Variants in TEX11 observed in about 807,000 individuals in gnomAD.
TEX11 encodes testis expressed 11.
TEX11 carries 7 observed loss-of-function variants against 84.4 expected under a neutral mutation model. The ratio of observed to expected loss-of-function variants is 0.08; its 90% CI spans 0.05 to 0.16. TEX11 has a LOEUF of 0.16. Ranked by LOEUF, TEX11 falls within the 10% of genes least tolerant of loss-of-function variation. TEX11 has a pLI of 1.00. For missense variants in TEX11, 551 were observed against 660.5 expected (o/e 0.83, Z 1.82); for synonymous variants, 264 against 222.8 (o/e 1.18, Z -1.64).
intron 25 of TEX11, among the ~76,000 whole-genome samples, chrX:70,576,142 T>C (rs1373722768): frequency 8.9e-6 from 1 of 112,063 alleles, no homozygotes; most frequent in Non-Finnish European, 1.9e-5. Context: ...TCAGGGTTAA[T>C]CCTTTTGTAA....
At chrX:70,781,091 C>T (rs60500370) in intron 9 of TEX11, among the ~76,000 whole-genome samples, 1,898 of 111,364 alleles carry the variant, frequency 0.017, 38 homozygotes, top group African/African-American at 0.059. Flanking sequence ...AGATGCCCCT[C>T]TGGGATGAAG....
chrX:70,588,949 A>G (rs1195368336), intron 25 of TEX11, among the ~76,000 whole-genome samples: 2 of 108,706 alleles, frequency 1.8e-5, no homozygotes, highest in Non-Finnish European at 3.8e-5. Flanking sequence ...AAAAAAAAAG[A>G]AAGAAATATC....
At chrX:70,823,617 A>G (rs964542309) in intron 8 of TEX11, among the ~76,000 whole-genome samples, 9 of 111,651 alleles carry the variant, frequency 8.1e-5, no homozygotes, top group Admixed American at 2.9e-4. Flanking sequence ...CAAATAGATC[A>G]CCAGGCTAGT....
At chrX:70,907,411 T>C (rs2091839414) in intron 2 of TEX11, among the ~76,000 whole-genome samples, 1 of 110,831 alleles carries the variant, frequency 9.0e-6, no homozygotes, top group Non-Finnish European at 1.9e-5. Context: ...ATTTAGATTT[T>C]TTTTTTTTTT....
chrX:70,874,471 G>A (rs140485844), intron 3 of TEX11, among the ~76,000 whole-genome samples: 1,928 of 94,320 alleles, frequency 0.02, 42 homozygotes, highest in African/African-American at 0.072. Flanking sequence ...GCGTGATCTC[G>A]GCTCACTGCA....
intron 9 of TEX11, among the ~76,000 whole-genome samples, chrX:70,776,515 A>G (rs1234112670): frequency 9.2e-6 from 1 of 108,249 alleles, no homozygotes; most frequent in Non-Finnish European, 1.9e-5. Flanking sequence ...GTGAGCCAAG[A>G]CTGCATCACT....
intron 11 of TEX11, among the ~76,000 whole-genome samples, chrX:70,727,794 T>C (rs1171912761): frequency 9.1e-6 from 1 of 110,289 alleles, no homozygotes; most frequent in Non-Finnish European, 1.9e-5. Flanking sequence ...AATGAAGATA[T>C]AGAAAGAAGG....
intron 16 of TEX11, among the ~76,000 whole-genome samples, chrX:70,659,580 T>C (rs1415153217): frequency 2.7e-5 from 3 of 111,678 alleles, no homozygotes; most frequent in African/African-American, 3.3e-5. Context: ...TGTGGAGAAA[T>C]TGGAACACTT....
At chrX:70,726,570 G>A (rs6624494) in intron 11 of TEX11, among the ~76,000 whole-genome samples, 43,264 of 108,606 alleles carry the variant, frequency 0.4, 7,171 homozygotes, top group East Asian at 0.58. Context: ...TCACTCTATC[G>A]CCCAGGCTGG....
chrX:70,813,400 C>A (rs7879930), intron 8 of TEX11, among the ~76,000 whole-genome samples: 8,351 of 111,122 alleles, frequency 0.075, 486 homozygotes, highest in Admixed American at 0.27. Flanking sequence ...ATTCAACAGC[C>A]CTTCATGCTA....
intron 9 of TEX11, among the ~76,000 whole-genome samples, chrX:70,777,129 C>T (rs2091007164): frequency 9.2e-6 from 1 of 108,109 alleles, no homozygotes; most frequent in Non-Finnish European, 1.9e-5. Context: ...CTACCTACCT[C>T]AGTCTCCCAA....
At chrX:70,853,718 T>G (rs960748494) in intron 5 of TEX11, among the ~76,000 whole-genome samples, 1 of 112,472 alleles carries the variant, frequency 8.9e-6, no homozygotes, top group South Asian at 3.7e-4. Flanking sequence ...CAATAAAATT[T>G]GGATTAATCC....
chrX:70,718,405 G>T (rs752613744), intron 13 of TEX11, among the ~76,000 whole-genome samples: 21 of 112,055 alleles, frequency 1.9e-4, no homozygotes, highest in Non-Finnish European at 3.2e-4. Flanking sequence ...AGAAAAGTAA[G>T]CCGGATTATT....
chrX:70,646,706 A>G (rs964545583), intron 17 of TEX11, among the ~76,000 whole-genome samples: 3 of 111,880 alleles, frequency 2.7e-5, no homozygotes, highest in African/African-American at 9.7e-5. Context: ...TAGAATGGCT[A>G]TTATAAAAAA....
At chrX:70,815,644 A>G (rs2091282300) in intron 8 of TEX11, among the ~76,000 whole-genome samples, 1 of 111,654 alleles carries the variant, frequency 9.0e-6, no homozygotes, top group Non-Finnish European at 1.9e-5. Context: ...AACATAGTAT[A>G]TATAGGATTT....
At chrX:70,890,579 C>T (rs939495056) in intron 2 of TEX11, among the ~76,000 whole-genome samples, 8 of 112,742 alleles carry the variant, frequency 7.1e-5, no homozygotes, top group South Asian at 3.7e-4. Flanking sequence ...GCAGGTCCCA[C>T]GACAACAAAG....
chrX:70,563,215 G>A (rs376173767), intron 25 of TEX11, among the ~76,000 whole-genome samples: 2 of 111,656 alleles, frequency 1.8e-5, no homozygotes, highest in East Asian at 5.6e-4. Flanking sequence ...GATTATGGCT[G>A]AGAAACTAAA....
chrX:70,547,188 A>G (rs927288118), intron 28 of TEX11, among the ~76,000 whole-genome samples: 2 of 110,760 alleles, frequency 1.8e-5, no homozygotes, highest in Admixed American at 1.9e-4. Flanking sequence ...AAATCTACAG[A>G]GACAGAAAGC....
chrX:70,529,784 A>T (rs757190891), intron 29 of TEX11, 51 bp downstream of exon 29: 4 of 1,139,154 alleles, frequency 3.5e-6, no homozygotes, highest in Non-Finnish European at 4.7e-6. Context: ...CCCAGCCATA[A>T]CCTCTTGCCC....
Sources: gnomAD v4.1 joint callset for allele counts (sites outside exome capture counted in the v4.1 genomes callset) on GRCh38, gnomAD v4.1.1 for gene constraint, MANE v1.5 for transcripts, NCBI Gene and HGNC (gene_info 2026-07-23, HGNC 2026-07-21) for gene names.